Variants in LRP2 observed in about 807,000 individuals in gnomAD.
LRP2 encodes the protein low-density lipoprotein receptor-related protein 2.
A neutral mutation model predicts 531.0 loss-of-function variants in LRP2; 172 were observed. That is an observed-to-expected ratio of 0.32 (90% CI 0.29 to 0.37). LRP2 has a LOEUF of 0.37. LRP2 is among the 10% of genes least tolerant of loss of function. The pLI is 1.00. For synonymous variants in LRP2, 1,992 were observed against 2,027.6 expected, an observed-to-expected ratio of 0.98 and a Z score of 0.47; for missense variants, 5,167 against 5,868.3, an observed-to-expected ratio of 0.88 and a Z score of 3.90.
chr2:169,347,821 TTGAA>T (rs113680574), intron 1 of LRP2, among the ~76,000 whole-genome samples: 1 of 152,072 alleles, frequency 6.6e-6, no homozygotes, highest in Non-Finnish European at 1.5e-5. Context: ...GCAACATATA[TTGAA>T]TGAATGAATG....
Position 169,140,431 on chromosome 2 carries a change from T to C in LRP2, c.13199+24A>G, listed in dbSNP as rs75015165. The C allele has an allele frequency of 6.8e-4, 1,088 of 1,596,912 alleles. 9 individuals carry two copies. In the African/African-American group the frequency reaches 0.013, roughly 19 times the overall value. On this transcript the variant is annotated intron_variant, in intron 72 of 78. Coordinates refer to ENST00000649046, the MANE Select transcript of LRP2 (RefSeq NM_004525.3). ...CCCCAGAAGAGGCAAGGCCTATAGC[T>C]GGGACCTCAACATTCAGACTTACTT...
At chr2:169,259,313 G>A (rs1690441815) in intron 16 of LRP2, 96 bp from the exon 17 acceptor site, 8 of 650,532 alleles carry the variant, frequency 1.2e-5, no homozygotes, top group South Asian at 6.2e-5. Flanking sequence ...GTCAGAGTTA[G>A]AGCATATTTC....
At chr2:169,174,752 G>A (rs947498898) in intron 55 of LRP2, among the ~76,000 whole-genome samples, 4 of 149,040 alleles carry the variant, frequency 2.7e-5, no homozygotes, top group Non-Finnish European at 4.4e-5. Context: ...TCAAGCGATC[G>A]ACCTGCCTCA....
Position 169,361,377 on chromosome 2 carries a change from C to CTCTCTCTCTCTCT in LRP2, c.79+943_79+944insAGAGAGAGAGAGA, listed in dbSNP as rs1559092856. Among the ~76,000 whole-genome samples the CTCTCTCTCTCTCT allele has an allele frequency of 5.9e-4, 31 of 52,252 alleles. 1 individual carries two copies. The highest frequency in any genetic ancestry group is 1.2e-3 in the African/African-American group (11 of 9,414). The allele number at this position is 52,252 out of a possible 152,430, so 34.3% of individuals were successfully genotyped here. A position where few individuals can be genotyped will look rare whatever the true frequency, so the allele number is the denominator to read the frequency against. On this transcript the variant is annotated intron_variant, in intron 1 of 78. Transcript: ENST00000649046. ...CTCTCTCTCTCTCTCTCTCTCTCTC[C>CTCTCTCTCTCTCT]CTCTCTCTCTCTCTCTCTGTCTCTC...
rs147683523 is a variant in LRP2 at position 169,164,655 on chromosome 2, G to T, written c.11758+1277C>A. On this transcript the variant is annotated intron_variant, in intron 62 of 78. Transcript: ENST00000649046. ...CTGATGGCATAATTATGGGATGGAG[G>T]AGGGTTGCTTGACTGTCATTAAACT... is the stretch of plus-strand genomic sequence containing the variant. Among the ~76,000 whole-genome samples the T allele has an allele frequency of 9.5e-3, 1,445 of 152,282 alleles. 23 individuals are homozygous for T. Among genetic ancestry groups the T allele is most frequent in the African/African-American group, 0.033 (1,374 of 41,552 alleles).
rs758433629 is a variant in LRP2, at chr2:169,166,040, T to C, written c.11650A>G (p.Asn3884Asp). 2 of 1,614,066 alleles carry C rather than the reference T, an allele frequency of 1.2e-6. No homozygotes were observed. The highest frequency in any genetic ancestry group is 1.1e-5 in the South Asian group (1 of 91,086). Residue 3884 changes from asparagine (N) to aspartate (D), a missense_variant, in exon 62 of 79, where the codon AAT (asparagine) becomes GAT (aspartate). Transcript: ENST00000649046. The part of the protein sequence containing the change: ...ELHLCLDVPC[N>D]SPNRFRCDNN... ...TCACACCGGAAACGGTTTGGTGAATTACAGGGAACATCCACTGAAAGGAAA... is the reference window on the plus strand; with the variant it reads ...TCACACCGGAAACGGTTTGGTGAATCACAGGGAACATCCACTGAAAGGAAA...
Position 169,292,265 on chromosome 2 carries a change from C to T in LRP2, c.757G>A (p.Glu253Lys). The change falls in exon 7 of 79, where the codon GAA becomes AAA. Residue 253 changes from glutamate to lysine, a missense_variant. Around this residue, in one of 6 missense-constraint regions of LRP2, gnomAD observed 2,811 missense variants for 3,058.0 expected, o/e 0.92. Transcript: ENST00000649046. ...TTCCCCTCCTTACCACATCCATCTT[C>T]ATCTCCATTATCTTTACAGTCATCT... Reference protein sequence around the residue: ...GEDDCKDNGDEDGCESGPHDV... With the variant: ...GEDDCKDNGDKDGCESGPHDV... The T allele has an allele frequency of 6.2e-7, 1 of 1,610,564 alleles. No individual in the cohort carries two copies. Among genetic ancestry groups the T allele is most frequent in the Non-Finnish European group, 8.5e-7 (1 of 1,176,742 alleles).
chr2:169,152,787 T>C lies in LRP2; in HGVS notation c.12461+12A>G, dbSNP rs1686192954. The stretch of plus-strand genomic sequence containing the variant: ...ACAGAACAGGTAAGGGGGGAATGTA[T>C]GGCAAATTTACCTTCCAACCCAGTC... On this transcript the variant is annotated intron_variant, in intron 67 of 78. Coordinates refer to ENST00000649046, the MANE Select transcript of LRP2 (RefSeq NM_004525.3). 6.2e-7 allele frequency: 1 copy of C among 1,613,854 alleles called. No individual in the cohort carries two copies. The highest frequency in any genetic ancestry group is 8.5e-7 in the Non-Finnish European group (1 of 1,179,804).
chr2:169,173,653 A>C (rs1687081536), intron 56 of LRP2, among the ~76,000 whole-genome samples: 1 of 152,230 alleles, frequency 6.6e-6, no homozygotes, highest in Non-Finnish European at 1.5e-5. Flanking sequence ...AGATATATAA[A>C]ATATAAGTTC....
At position 169,280,528 on chromosome 2, in the gene LRP2, G is replaced by A. The variant is rs976838404; in HGVS notation, c.1172-9C>T. 6.8e-6 allele frequency: 11 copies of A among 1,613,702 alleles called. No individual in the cohort carries two copies. Among genetic ancestry groups the A allele is most frequent in the Admixed American group, 1.7e-5 (1 of 59,978 alleles). ...AATGGAGGCCTCGCCAACTAAATGC[G>A]AAGAAGGAAGGCATCACCACTCCTT... On this transcript the variant is annotated splice_polypyrimidine_tract_variant and intron_variant, in intron 10 of 78. Transcript: ENST00000649046.
intron 3 of LRP2, among the ~76,000 whole-genome samples, chr2:169,310,816 G>C (rs191842010): frequency 1.3e-5 from 2 of 152,324 alleles, no homozygotes; most frequent in East Asian, 3.9e-4. Context: ...ATTCGGCTGT[G>C]AATCAGTCTG....
chr2:169,307,024 G>C (rs1030341134), intron 4 of LRP2, among the ~76,000 whole-genome samples: 18 of 152,096 alleles, frequency 1.2e-4, no homozygotes, highest in African/African-American at 4.1e-4. Context: ...CAGAATCTAT[G>C]TTCATGTTAA....
intron 10 of LRP2, 65 bp downstream of exon 10, chr2:169,282,804 AGAAG>A (rs1683741835): frequency 6.6e-7 from 1 of 1,518,906 alleles, no homozygotes; most frequent in African/African-American, 1.4e-5. Flanking sequence ...TGTTGTCATC[AGAAG>A]GAAGGAAAGA....
chr2:169,320,681 C>G, intron 2 of LRP2, 96 bp downstream of exon 2: 1 of 1,036,800 alleles, frequency 9.6e-7, no homozygotes, highest in Admixed American at 1.8e-5. Context: ...GGCTCTGTCA[C>G]TAAAAGGCAT....
At position 169,321,572 on chromosome 2, in the gene LRP2, A is replaced by G. The variant is rs545701383; in HGVS notation, c.80-688T>C. On this transcript the variant is annotated intron_variant, in intron 1 of 78. Coordinates refer to ENST00000649046, the MANE Select transcript of LRP2 (RefSeq NM_004525.3). ...TTGACTATACTTTCTTGAGTTCCTC[A>G]CCTTATTTTTTAAGTGATTTTTTAT... Among the ~76,000 whole-genome samples, 18 of 152,118 alleles carry G rather than the reference A, an allele frequency of 1.2e-4. No homozygotes were observed. In the South Asian group the frequency reaches 3.5e-3, roughly 30 times the overall value.
At chr2:169,160,693 A>G (rs919658364) in intron 63 of LRP2, among the ~76,000 whole-genome samples, 1 of 151,274 alleles carries the variant, frequency 6.6e-6, no homozygotes, top group Non-Finnish European at 1.5e-5. Context: ...AAAAAAAAAA[A>G]AACCTGCTAC....
chr2:169,327,449 A>C (rs7593537), intron 1 of LRP2, among the ~76,000 whole-genome samples: 210 of 52,800 alleles, frequency 4.0e-3, no homozygotes, highest in Admixed American at 7.3e-3. Context: ...GGGGATCAGC[A>C]CCCCGCCCGG....
chr2:169,210,206 G>A (rs577800346), intron 37 of LRP2, among the ~76,000 whole-genome samples: 7 of 152,220 alleles, frequency 4.6e-5, no homozygotes, highest in Admixed American at 3.3e-4. Flanking sequence ...TTTCAAACAA[G>A]GATCATCCAT....
intron 1 of LRP2, among the ~76,000 whole-genome samples, chr2:169,345,251 C>T (rs1206763783): frequency 6.6e-6 from 1 of 152,136 alleles, no homozygotes; most frequent in Non-Finnish European, 1.5e-5. Context: ...AATCTAGCCA[C>T]AAGCCAAGTT....
Sources: allele counts gnomAD v4.1 joint callset (sites outside exome capture counted in the v4.1 genomes callset), GRCh38; gene constraint gnomAD v4.1.1; regional missense constraint gnomAD v4.1.1; transcripts MANE v1.5; gene names NCBI Gene and HGNC (gene_info 2026-07-23, HGNC 2026-07-21).